Variants in USP40 observed in about 807,000 individuals in gnomAD.
USP40 encodes ubiquitin specific peptidase 40, also known as ubiquitin carboxyl-terminal hydrolase 40.
In USP40, 143 loss-of-function variants were observed where a neutral mutation model predicts 166.2. The observed-to-expected ratio is 0.86, with a 90% CI of 0.75 to 0.99. The LOEUF is 0.99. Among genes scored for constraint, USP40 ranks in the 50% least tolerant of loss-of-function variants. USP40 has a pLI of 0.00. For missense variants in USP40, 1,444 were observed against 1,479.7 expected (o/e 0.98, Z 0.40); for synonymous variants, 498 against 524.0 (o/e 0.95, Z 0.68).
Position 233,493,620 on chromosome 2 carries a change from A to T in USP40, c.2791-69T>A. ...AGTGAAACTCTACTTTTACTTCCATAGAAAGAAACACCTTGATGACCTAAG... is the reference window on the plus strand; with the variant it reads ...AGTGAAACTCTACTTTTACTTCCATTGAAAGAAACACCTTGATGACCTAAG... On this transcript the variant is annotated intron_variant, in intron 24 of 31. Coordinates refer to ENST00000678225, the MANE Select transcript of USP40 (RefSeq NM_001365479.2). The surrounding 1 kb of genome is among the most constrained non-coding windows in gnomAD (Gnocchi z 4.7). 6.8e-7 allele frequency: 1 copy of T among 1,473,696 alleles called. No individual in the cohort carries two copies. The highest frequency in any genetic ancestry group is 9.1e-7 in the Non-Finnish European group (1 of 1,101,054). 91.3% of individuals were successfully genotyped at this position (1,473,696 alleles called of 1,614,324 possible). A position where few individuals can be genotyped will look rare whatever the true frequency, so the allele number is the denominator to read the frequency against.
intron 26 of USP40, among the ~76,000 whole-genome samples, chr2:233,490,294 C>T (rs1004919199): frequency 6.6e-6 from 1 of 150,852 alleles, no homozygotes; most frequent in African/African-American, 2.4e-5. Flanking sequence ...CTCCGAGTAG[C>T]TGGGATTACA....
At chr2:233,525,868 G>A (rs1004181620) in intron 13 of USP40, among the ~76,000 whole-genome samples, 1 of 152,178 alleles carries the variant, frequency 6.6e-6, no homozygotes, top group Non-Finnish European at 1.5e-5. Context: ...GCAAGTTGAT[G>A]AGCATGTCAG....
chr2:233,550,828 G>C (rs2070481360), intron 7 of USP40, among the ~76,000 whole-genome samples: 1 of 152,092 alleles, frequency 6.6e-6, no homozygotes, highest in African/African-American at 2.4e-5. Context: ...CTAGACTAGT[G>C]AATTTCCATT....
intron 31 of USP40, among the ~76,000 whole-genome samples, chr2:233,477,739 C>T (rs1468492849): frequency 6.6e-6 from 1 of 152,258 alleles, no homozygotes; most frequent in African/African-American, 2.4e-5. Flanking sequence ...GGTTCAGGCT[C>T]TGGGGCTTTC....
chr2:233,566,258 G>T (rs1006040060), intron 1 of USP40, among the ~76,000 whole-genome samples: 1 of 152,166 alleles, frequency 6.6e-6, no homozygotes, highest in African/African-American at 2.4e-5. Flanking sequence ...GTTAGCCCTG[G>T]GGGCCTAGGT....
chr2:233,524,421 T>A (rs1370030835), intron 15 of USP40, 71 bp downstream of exon 15: 5 of 1,382,666 alleles, frequency 3.6e-6, no homozygotes, highest in Non-Finnish European at 5.0e-6. Context: ...TGAGCCACCA[T>A]GCCCGGCCAT....
intron 31 of USP40, among the ~76,000 whole-genome samples, chr2:233,479,431 T>C (rs920243092): frequency 1.3e-5 from 2 of 152,010 alleles, no homozygotes; most frequent in African/African-American, 4.8e-5. Context: ...GGCATAGTGG[T>C]GCACGCCTGT....
At chr2:233,499,976 AAC>A (rs1202300765) in intron 21 of USP40, 61 bp from the exon 22 acceptor site, 4 of 1,504,490 alleles carry the variant, frequency 2.7e-6, no homozygotes, top group Non-Finnish European at 3.7e-6. Flanking sequence ...TTCTAGGACA[AAC>A]ACCCTTTTTG....
intron 27 of USP40, among the ~76,000 whole-genome samples, chr2:233,488,956 C>T (rs775241474): frequency 7.2e-5 from 11 of 151,752 alleles, no homozygotes; most frequent in Admixed American, 1.3e-4. Flanking sequence ...AAGAAAGAAA[C>T]GAGAAAGAAA....
At chr2:233,509,838 T>TAA (rs746629187) in intron 21 of USP40, among the ~76,000 whole-genome samples, 24 of 80,764 alleles carry the variant, frequency 3.0e-4, no homozygotes, top group East Asian at 1.5e-3. Flanking sequence ...TGAGACTCTC[T>TAA]AAAAAAAAAA....
At chr2:233,556,035 G>C (rs2071053583) in intron 5 of USP40, among the ~76,000 whole-genome samples, 1 of 150,828 alleles carries the variant, frequency 6.6e-6, no homozygotes, top group African/African-American at 2.4e-5. Flanking sequence ...AGAATGGCGT[G>C]AACCCGGGAG....
At position 233,480,199 on chromosome 2, in the gene USP40, C is replaced by T. The variant is rs1038227816; in HGVS notation, c.3599+1004G>A. Among the ~76,000 whole-genome samples, 22 of 152,274 alleles carry T rather than the reference C, an allele frequency of 1.4e-4. No individual in the cohort carries two copies. Among genetic ancestry groups the T allele is most frequent in the African/African-American group, 3.8e-4 (16 of 41,570 alleles). On this transcript the variant is annotated intron_variant, in intron 31 of 31. Transcript: ENST00000678225. This position sits in a 1 kb window ranked among gnomAD's most constrained non-coding sequence, Gnocchi z 4.5. ...CAGAGGGCATGCAGTCCCTGGCACA[C>T]GGGCAGCCAAGATACTGAGGGGCAG... is the stretch of plus-strand genomic sequence containing the variant.
intron 10 of USP40, among the ~76,000 whole-genome samples, chr2:233,534,092 C>A (rs1351528705): frequency 1.3e-5 from 2 of 152,198 alleles, no homozygotes; most frequent in Non-Finnish European, 2.9e-5. Flanking sequence ...AGAACAAACA[C>A]TTTTGAAATA....
chr2:233,491,187 G>C lies in USP40; in HGVS notation c.2992C>G (p.Leu998Val). The C allele has an allele frequency of 1.2e-6, 2 of 1,610,162 alleles. No individual in the cohort carries two copies. The highest frequency in any genetic ancestry group is 2.2e-5 in the South Asian group (2 of 89,706). The part of the protein sequence containing the change: ...GDIEISEDAT[L>V]AELKSQAMTL... Reference sequence around the variant, plus strand: ...CTGACCTGAGACTTCAGCTCCGCCAGCGTGGCATCTTCTGAGATCTCTATG... The same window carrying C: ...CTGACCTGAGACTTCAGCTCCGCCACCGTGGCATCTTCTGAGATCTCTATG... The change falls in exon 26 of 32, where the codon CTG becomes GTG. Residue 998 changes from leucine (L) to valine (V), a missense_variant. Leu to Val is a conservative substitution (Grantham distance 32). Transcript: ENST00000678225.
chr2:233,528,081 C>T (rs773763813), intron 12 of USP40, among the ~76,000 whole-genome samples: 2 of 151,488 alleles, frequency 1.3e-5, no homozygotes, highest in Non-Finnish European at 2.9e-5. Context: ...TAGGTTCAAG[C>T]GATTCTTCTG....
chr2:233,524,860 C>T (rs2067906007), intron 14 of USP40, among the ~76,000 whole-genome samples: 1 of 152,134 alleles, frequency 6.6e-6, no homozygotes, highest in South Asian at 2.1e-4. Context: ...CCCAACTCCA[C>T]CGATATGTCC....
In USP40 at chr2:233,486,059, T is replaced by G. The variant is rs2064928888; in HGVS notation, c.3198-82A>C. On this transcript the variant is annotated intron_variant, in intron 28 of 31. Coordinates refer to ENST00000678225, the MANE Select transcript of USP40 (RefSeq NM_001365479.2). The surrounding 1 kb of genome is among the most constrained non-coding windows in gnomAD (Gnocchi z 4.0). ...AACTTGAGGCATAATGGGCAAAGCT[T>G]CTCCTCCAGCTTTTCTGGTTTTTAT... 5 of 1,421,548 alleles carry G rather than the reference T, an allele frequency of 3.5e-6. No individual in the cohort carries two copies. Among genetic ancestry groups the G allele is most frequent in the East Asian group, 2.5e-5 (1 of 39,544 alleles). The allele number at this position is 1,421,548 out of a possible 1,614,324, so 88.1% of individuals were successfully genotyped here.
rs375486252 is a variant in USP40, at chr2:233,554,620, T to C, written c.547-94A>G. 112 of 1,021,822 alleles carry C rather than the reference T, an allele frequency of 1.1e-4. No individual in the cohort carries two copies. The East Asian group carries it at 2.9e-3, about 27-fold the overall frequency. The allele number at this position is 1,021,822 out of a possible 1,614,324, so 63.3% of individuals were successfully genotyped here. ...TATATATTGGGAATAATCAGATATA[T>C]GTTTTCTAAAACATTACAAATAAAG... On this transcript the variant is annotated intron_variant, in intron 5 of 31. Transcript: ENST00000678225.
rs974859318 is a variant in USP40, at chr2:233,484,686, T to C, written c.3504+845A>G. 2.0e-5 allele frequency among the ~76,000 whole-genome samples: 3 copies of C among 152,288 alleles called. No homozygotes were observed. The East Asian group carries it at 5.8e-4, about 29-fold the overall frequency. Reference sequence around the variant, plus strand: ...TTTGTAGAGACCAGGTTTCACTATGTTGTCCAGGCTGGTCTCGAACTCCTG... The same window carrying C: ...TTTGTAGAGACCAGGTTTCACTATGCTGTCCAGGCTGGTCTCGAACTCCTG... On this transcript the variant is annotated intron_variant, in intron 30 of 31. Coordinates refer to ENST00000678225, the MANE Select transcript of USP40 (RefSeq NM_001365479.2).
Sources: gnomAD v4.1 joint callset for allele counts (sites outside exome capture counted in the v4.1 genomes callset) on GRCh38, gnomAD v4.1.1 for gene constraint, Gnocchi (gnomAD v3.1) non-coding constraint, MANE v1.5 for transcripts, NCBI Gene and HGNC (gene_info 2026-07-23, HGNC 2026-07-21) for gene names.